ARHGAP5: variants seen among roughly 807,000 people sequenced by gnomAD.
The protein encoded by ARHGAP5 is Rho GTPase activating protein 5.
ARHGAP5 carries 23 observed loss-of-function variants against 116.6 expected under a neutral mutation model. That is an observed-to-expected ratio of 0.20 (90% confidence interval 0.14 to 0.28). The LOEUF is 0.28. Ranked by LOEUF, ARHGAP5 falls within the 10% of genes least tolerant of loss-of-function variation. The pLI is 1.00. For missense variants in ARHGAP5, 1,405 were observed against 1,774.8 expected (o/e 0.79, Z 3.74); for synonymous variants, 574 against 602.0 (o/e 0.95, Z 0.68).
At position 32,091,505 on chromosome 14, in the gene ARHGAP5, T is replaced by C. The variant is rs1372701852; in HGVS notation, c.836T>C (p.Leu279Pro). ...ACAGCAACAGATAAGTTTGAAAAACTTGTGCAGACTGTGAGAGATTATCAT... is the reference window on the plus strand; with the variant it reads ...ACAGCAACAGATAAGTTTGAAAAACCTGTGCAGACTGTGAGAGATTATCAT... The part of the protein sequence containing the change: ...VVTATDKFEK[L>P]VQTVRDYHAT... Residue 279 changes from leucine to proline, a missense_variant, in exon 2 of 7, where the codon CTT becomes CCT. This residue lies in a region of ARHGAP5 where 944 missense variants were observed against 1,095.3 expected (regional missense o/e 0.86). Transcript: ENST00000345122. 6.2e-7 allele frequency: 1 copy of C among 1,613,242 alleles called. No homozygotes were observed. The highest frequency in any genetic ancestry group is 8.5e-7 in the Non-Finnish European group (1 of 1,179,556).
At position 32,093,875 on chromosome 14, in the gene ARHGAP5, A is replaced by C; in HGVS notation, c.3206A>C (p.Asn1069Thr). Residue 1069 changes from asparagine (N) to threonine (T), a missense_variant, in exon 2 of 7, where the codon AAT (asparagine) becomes ACT (threonine). Transcript: ENST00000345122. ...ACAATTGAAGCTGGTATTGGTAAAA[A>C]TCCAAGAAAGCAGACTTCCCGGGTG... is the stretch of plus-strand genomic sequence containing the variant. The part of the protein sequence containing the change: ...LKTIEAGIGK[N>T]PRKQTSRVPL... The C allele has an allele frequency of 6.2e-7, 1 of 1,614,112 alleles. No homozygotes were observed. The highest frequency in any genetic ancestry group is 8.5e-7 in the Non-Finnish European group (1 of 1,180,000).
chr14:32,143,585 G>A (rs1881240150), intron 3 of ARHGAP5, among the ~76,000 whole-genome samples: 1 of 152,166 alleles, frequency 6.6e-6, no homozygotes, highest in Non-Finnish European at 1.5e-5. Flanking sequence ...TTTATATTTA[G>A]CTTGGGAATG....
Position 32,116,546 on chromosome 14 carries a change from T to C in ARHGAP5, c.3718-594T>C, listed in dbSNP as rs1415818261. 5.9e-5 allele frequency among the ~76,000 whole-genome samples: 9 copies of C among 152,106 alleles called. No homozygotes were observed. The East Asian group carries it at 1.7e-3, about 30-fold the overall frequency. ...AGGCGGAGCTTGCAGTGAGCCGAGA[T>C]CGCGTCACTCCACTCCAGTCTGGGC... On this transcript the variant is annotated intron_variant, in intron 2 of 6. Transcript: ENST00000345122.
At position 32,093,739 on chromosome 14, in the gene ARHGAP5, A is replaced by G. The variant is rs1215633639; in HGVS notation, c.3070A>G (p.Thr1024Ala). ...AGGAAATGAGTATCCTATTCATAGT[A>G]CCCCAAACTGTCATGACCATGAACG... is the stretch of plus-strand genomic sequence containing the variant. ...LEGNEYPIHS[T>A]PNCHDHERNH... Residue 1024 changes from threonine to alanine, a missense_variant, in exon 2 of 7, where the codon ACC (threonine) becomes GCC (alanine). Physicochemically the swap from Thr to Ala is moderately conservative, Grantham distance 58 (BLOSUM62 0). Coordinates refer to ENST00000345122, the MANE Select transcript of ARHGAP5 (RefSeq NM_001030055.2). 6.2e-7 allele frequency: 1 copy of G among 1,613,942 alleles called. No homozygotes were observed. The highest frequency in any genetic ancestry group is 1.3e-5 in the African/African-American group (1 of 74,898).
Position 32,092,978 on chromosome 14 carries a change from A to G in ARHGAP5, c.2309A>G (p.Asn770Ser), listed in dbSNP as rs1194256573. 3 of 1,614,070 alleles carry G rather than the reference A, an allele frequency of 1.9e-6. No homozygotes were observed. The highest frequency in any genetic ancestry group is 2.7e-5 in the African/African-American group (2 of 75,018). ...NLDVVSPIPA[N>S]KDLSEADLRI... ...GATGTGGTGAGCCCAATTCCTGCCA[A>G]TAAGGACTTATCAGAAGCTGACTTG... The change falls in exon 2 of 7, where the codon AAT (asparagine) becomes AGT (serine). Residue 770 changes from asparagine to serine, a missense_variant. Physicochemically the swap from Asn to Ser is conservative, Grantham distance 46. This residue lies in a region of ARHGAP5 where 944 missense variants were observed against 1,095.3 expected (regional missense o/e 0.86). Coordinates refer to ENST00000345122, the MANE Select transcript of ARHGAP5 (RefSeq NM_001030055.2). This position sits in a 1 kb window ranked among gnomAD's most constrained non-coding sequence, Gnocchi z 4.1.
chr14:32,090,710 C>T lies in ARHGAP5; in HGVS notation c.41C>T (p.Thr14Ile), dbSNP rs1878198538. The T allele has an allele frequency of 5.0e-6, 8 of 1,612,638 alleles. No individual in the cohort carries two copies. The highest frequency in any genetic ancestry group is 6.8e-6 in the Non-Finnish European group (8 of 1,179,342). Residue 14 changes from threonine (T) to isoleucine (I), a missense_variant, in exon 2 of 7, where the codon ACC (threonine) becomes ATC (isoleucine). Around this residue, in one of 6 missense-constraint regions of ARHGAP5, gnomAD observed 190 missense variants for 314.9 expected, o/e 0.60. Transcript: ENST00000345122. ...AAAGAGCCTCGTCCCCCATCCTATA[C>T]CATCAGTATAGTTGGACTCTCTGGG... The part of the protein sequence containing the change: ...KNKEPRPPSY[T>I]ISIVGLSGTE...
At position 32,142,867 on chromosome 14, in the gene ARHGAP5, G is replaced by A. The variant is rs1015678860; in HGVS notation, c.3866-3396G>A. On this transcript the variant is annotated intron_variant, in intron 3 of 6. Coordinates refer to ENST00000345122, the MANE Select transcript of ARHGAP5 (RefSeq NM_001030055.2). ...TGACCCTTCTGGCAGCTCATTAGTC[G>A]CTTTTGTTGGGGGACTGAGTCCTGG... Among the ~76,000 whole-genome samples the A allele has an allele frequency of 3.9e-5, 6 of 152,210 alleles. No homozygotes were observed. The East Asian group carries it at 9.7e-4, about 24-fold the overall frequency.
intron 2 of ARHGAP5, among the ~76,000 whole-genome samples, chr14:32,099,297 T>C (rs915577779): frequency 6.6e-6 from 1 of 152,134 alleles, no homozygotes; most frequent in Non-Finnish European, 1.5e-5. Context: ...GTCAATCAGG[T>C]AGGAAGTTAC....
At chr14:32,142,349 A>T (rs757943100) in intron 3 of ARHGAP5, among the ~76,000 whole-genome samples, 3 of 152,188 alleles carry the variant, frequency 2.0e-5, no homozygotes, top group Non-Finnish European at 4.4e-5. Flanking sequence ...AAAGATTATA[A>T]TATGGCAGCT....
chr14:32,133,634 T>A (rs999234555), intron 3 of ARHGAP5, among the ~76,000 whole-genome samples: 3 of 152,150 alleles, frequency 2.0e-5, no homozygotes, highest in African/African-American at 7.2e-5. Context: ...ATAGGAGTGG[T>A]GAGAGAGGGC....
chr14:32,100,365 A>C (rs750186388), intron 2 of ARHGAP5, among the ~76,000 whole-genome samples: 1 of 151,904 alleles, frequency 6.6e-6, no homozygotes, highest in Non-Finnish European at 1.5e-5. Context: ...ATGCCTAGCT[A>C]ATTTTTTGTT....
At chr14:32,118,056 G>A (rs1028737543) in intron 3 of ARHGAP5, among the ~76,000 whole-genome samples, 1 of 152,114 alleles carries the variant, frequency 6.6e-6, no homozygotes, top group African/African-American at 2.4e-5. Flanking sequence ...TGATAGATAA[G>A]CATTGTTTAA....
chr14:32,127,796 C>T (rs978158418), intron 3 of ARHGAP5, among the ~76,000 whole-genome samples: 21 of 148,242 alleles, frequency 1.4e-4, no homozygotes, highest in Non-Finnish European at 2.4e-4. Flanking sequence ...GCTGGAGGCG[C>T]CCCCCACCTC....
intron 3 of ARHGAP5, among the ~76,000 whole-genome samples, chr14:32,121,423 A>G (rs930081510): frequency 4.6e-5 from 7 of 152,260 alleles, no homozygotes; most frequent in Non-Finnish European, 7.4e-5. Flanking sequence ...TACCACTTTA[A>G]TGTGTTTTAT....
chr14:32,129,759 C>T (rs1211048098), intron 3 of ARHGAP5, among the ~76,000 whole-genome samples: 7 of 152,026 alleles, frequency 4.6e-5, no homozygotes, highest in Non-Finnish European at 2.9e-5. Context: ...TTTATGTTCA[C>T]TCCCTTGCAT....
At chr14:32,096,354 G>T (rs1216813370) in intron 2 of ARHGAP5, among the ~76,000 whole-genome samples, 3 of 152,144 alleles carry the variant, frequency 2.0e-5, no homozygotes, top group Non-Finnish European at 4.4e-5. Flanking sequence ...GCATTCAGTT[G>T]TAAAGTGGTA....
chr14:32,142,966 CA>C lies in ARHGAP5; in HGVS notation c.3866-3296del, dbSNP rs1328019944. Among the ~76,000 whole-genome samples, 109 of 152,238 alleles carry C rather than the reference CA, an allele frequency of 7.2e-4. 1 individual carries two copies. The highest frequency in any genetic ancestry group is 1.6e-3 in the Admixed American group (24 of 15,280). ...TTATCAAATTTATGGATTATTTATA[CA>C]CCTTGCATCTCTGTTACCCTTTGTA... On this transcript the variant is annotated intron_variant, in intron 3 of 6. Transcript: ENST00000345122.
intron 3 of ARHGAP5, among the ~76,000 whole-genome samples, chr14:32,142,134 C>T (rs900189139): frequency 6.6e-6 from 1 of 152,062 alleles, no homozygotes; most frequent in East Asian, 1.9e-4. Context: ...ATATTCAGTT[C>T]GTTGAGTCAT....
At chr14:32,132,453 T>C (rs1489199557) in intron 3 of ARHGAP5, among the ~76,000 whole-genome samples, 2 of 152,212 alleles carry the variant, frequency 1.3e-5, no homozygotes, top group Non-Finnish European at 2.9e-5. Context: ...TCTTGTAAAT[T>C]TGTTTGAGTT....
Sources: allele counts gnomAD v4.1 joint callset (sites outside exome capture counted in the v4.1 genomes callset), GRCh38; gene constraint gnomAD v4.1.1; regional missense constraint gnomAD v4.1.1; non-coding constraint Gnocchi (gnomAD v3.1); transcripts MANE v1.5; gene names NCBI Gene and HGNC (gene_info 2026-07-23, HGNC 2026-07-21).